COL26A1: variants seen among roughly 807,000 people sequenced by gnomAD.
COL26A1 encodes the protein collagen type XXVI alpha 1 chain.
Under a neutral mutation model 59.3 loss-of-function variants are expected in COL26A1, and 41 were observed. The ratio of observed to expected loss-of-function variants is 0.69; its 90% CI spans 0.54 to 0.90. The LOEUF (loss-of-function observed/expected upper bound fraction) is 0.90. Ranked by LOEUF, COL26A1 falls within the 40% of genes least tolerant of loss-of-function variation. COL26A1 has a pLI of 0.00. For missense variants in COL26A1, 612 were observed against 602.3 expected (o/e 1.02, Z -0.17); for synonymous variants, 266 against 256.0 (o/e 1.04, Z -0.37).
At chr7:101,479,173 AT>A (rs1456130661) in intron 3 of COL26A1, among the ~76,000 whole-genome samples, 18 of 152,174 alleles carry the variant, frequency 1.2e-4, no homozygotes, top group Admixed American at 6.5e-5. Flanking sequence ...CAGTGTTCCA[AT>A]TTCCACTTCA....
intron 3 of COL26A1, among the ~76,000 whole-genome samples, chr7:101,513,158 C>T (rs1200515975): frequency 4.0e-5 from 6 of 151,764 alleles, no homozygotes; most frequent in African/African-American, 1.5e-4. Context: ...AGGCATGCGC[C>T]ACCACACCCG....
At position 101,544,028 on chromosome 7, in the gene COL26A1, C is replaced by T. The variant is rs1584501865; in HGVS notation, c.635C>T (p.Pro212Leu). ...CCGGGGCAGACAGGACCACCAGGGC[C>T]TGCAGGCCCCCCCGGGTCTAAAGGT... Reference protein sequence around the residue: ...GPPGQTGPPGPAGPPGSKGDR... With the variant: ...GPPGQTGPPGLAGPPGSKGDR... Residue 212 changes from proline (P) to leucine (L), a missense_variant, in exon 6 of 13, where the codon CCT (proline) becomes CTT (leucine). Transcript: ENST00000313669. 2 of 1,595,628 alleles carry T rather than the reference C, an allele frequency of 1.3e-6. No individual in the cohort carries two copies. Among genetic ancestry groups the T allele is most frequent in the Non-Finnish European group, 1.7e-6 (2 of 1,171,880 alleles).
chr7:101,403,806 C>T (rs891738672), intron 1 of COL26A1, among the ~76,000 whole-genome samples: 1 of 152,132 alleles, frequency 6.6e-6, no homozygotes, highest in Non-Finnish European at 1.5e-5. Context: ...AGATTAAAGC[C>T]TGATCCAGGC....
At chr7:101,404,989 G>A (rs997620535) in intron 1 of COL26A1, among the ~76,000 whole-genome samples, 2 of 152,084 alleles carry the variant, frequency 1.3e-5, no homozygotes, top group African/African-American at 2.4e-5. Context: ...TTTGGGAGGC[G>A]GAGGCGGGCA....
At chr7:101,366,362 T>G (rs1791045074) in intron 1 of COL26A1, among the ~76,000 whole-genome samples, 1 of 152,098 alleles carries the variant, frequency 6.6e-6, no homozygotes, top group South Asian at 2.1e-4. Flanking sequence ...AGCCTTGGCC[T>G]TCAGTAGTGT....
At chr7:101,528,609 G>A (rs936997525) in intron 3 of COL26A1, among the ~76,000 whole-genome samples, 14 of 151,726 alleles carry the variant, frequency 9.2e-5, no homozygotes, top group African/African-American at 3.1e-4. Context: ...GTGCAGTGGC[G>A]CCAACATGGC....
intron 3 of COL26A1, among the ~76,000 whole-genome samples, chr7:101,501,703 C>T (rs1794709852): frequency 6.6e-6 from 1 of 152,204 alleles, no homozygotes; most frequent in South Asian, 2.1e-4. Context: ...CAGCACAGGG[C>T]TTTGTCCAAA....
At chr7:101,386,903 G>C (rs73712151) in intron 1 of COL26A1, among the ~76,000 whole-genome samples, 3,505 of 152,282 alleles carry the variant, frequency 0.023, 148 homozygotes, top group African/African-American at 0.079. Flanking sequence ...GCTAGGCCTA[G>C]GTCCGGGACA....
intron 3 of COL26A1, among the ~76,000 whole-genome samples, chr7:101,456,638 C>T (rs34876703): frequency 5.4e-5 from 8 of 149,460 alleles, no homozygotes; most frequent in African/African-American, 2.5e-5. Context: ...CACTCCACCT[C>T]GGCAACAAGA....
rs1466662831 is a variant in COL26A1, at chr7:101,435,409, G to C, written c.282-12275G>C. Among the ~76,000 whole-genome samples, 5 of 152,324 alleles carry C rather than the reference G, an allele frequency of 3.3e-5. No homozygotes were observed. The East Asian group carries it at 7.7e-4, about 24-fold the overall frequency. On this transcript the variant is annotated intron_variant, in intron 2 of 12. Transcript: ENST00000313669. ...GACACCCTGGGCCAACCCCCTCCCT[G>C]CTGGCTGGGAGGCTGGACTGGACTG...
rs761436770 is a variant in COL26A1 at position 101,553,364 on chromosome 7, C to T, written c.1068C>T (p.Ala356=). ...TGAAGGGGGAAGAAGGAGAGAAAGC[C>T]GCCACTGCAGAGGTAACCATGGCTG... is the stretch of plus-strand genomic sequence containing the variant. ...PGVKGEEGEK[A]ATAEGEGVQQ... is the part of the protein sequence containing the mutation. Residue 356 remains alanine, a synonymous_variant, in exon 11 of 13, where the codon GCC becomes GCT. Coordinates refer to ENST00000313669, the MANE Select transcript of COL26A1 (RefSeq NM_001278563.3). The T allele has an allele frequency of 4.0e-5, 64 of 1,613,660 alleles. No individual in the cohort carries two copies. The East Asian group carries it at 5.3e-4, about 13-fold the overall frequency.
At chr7:101,389,753 A>C (rs191458392) in intron 1 of COL26A1, among the ~76,000 whole-genome samples, 1 of 152,044 alleles carries the variant, frequency 6.6e-6, no homozygotes, top group Non-Finnish European at 1.5e-5. Context: ...AGGTTTCTCC[A>C]TGTTGGGCAG....
At chr7:101,391,088 A>C (rs1382338166) in intron 1 of COL26A1, among the ~76,000 whole-genome samples, 2 of 152,238 alleles carry the variant, frequency 1.3e-5, no homozygotes, top group Non-Finnish European at 2.9e-5. Context: ...GGAACAGAGC[A>C]GCGGAAGGAA....
Position 101,513,926 on chromosome 7 carries a change from A to G in COL26A1, c.386-19156A>G, listed in dbSNP as rs140033043. ...AAAATGAAAAAGACAGAACAACCTAATAGGAAAACGGGTCAAGGGCATGAA... is the reference window on the plus strand; with the variant it reads ...AAAATGAAAAAGACAGAACAACCTAGTAGGAAAACGGGTCAAGGGCATGAA... On this transcript the variant is annotated intron_variant, in intron 3 of 12. Transcript: ENST00000313669. 2.4e-3 allele frequency among the ~76,000 whole-genome samples: 368 copies of G among 152,290 alleles called. 2 individuals carry two copies. The highest frequency in any genetic ancestry group is 8.6e-3 in the African/African-American group (356 of 41,564).
At chr7:101,477,353 A>C (rs565147332) in intron 3 of COL26A1, among the ~76,000 whole-genome samples, 8 of 152,220 alleles carry the variant, frequency 5.3e-5, no homozygotes, top group African/African-American at 1.9e-4. Flanking sequence ...TGTGTGCATT[A>C]GCATGCGGAG....
intron 1 of COL26A1, among the ~76,000 whole-genome samples, chr7:101,391,692 C>T (rs1266625949): frequency 2.0e-5 from 3 of 152,112 alleles, no homozygotes; most frequent in Non-Finnish European, 4.4e-5. Context: ...GTAGCTGGGA[C>T]TACAGGCGTG....
chr7:101,414,432 TTGTGTGTGTGTGTG>T (rs34282686), intron 1 of COL26A1, among the ~76,000 whole-genome samples: 1 of 146,180 alleles, frequency 6.8e-6, no homozygotes, highest in Non-Finnish European at 1.5e-5. Context: ...CACTCTGTGT[TTGTGTGTGTGTGTG>T]TGTGTGTGTG....
chr7:101,489,638 T>C (rs1794345744), intron 3 of COL26A1, among the ~76,000 whole-genome samples: 1 of 69,172 alleles, frequency 1.4e-5, no homozygotes, highest in Non-Finnish European at 2.5e-5. Flanking sequence ...TCTTTCTTTC[T>C]TTCTTTCTTT....
intron 3 of COL26A1, among the ~76,000 whole-genome samples, chr7:101,465,197 G>T (rs1191265582): frequency 6.6e-6 from 1 of 151,706 alleles, no homozygotes; most frequent in Non-Finnish European, 1.5e-5. Flanking sequence ...ACCACCTGTA[G>T]CTCTGCTAAG....
Sources: gnomAD v4.1 joint callset for allele counts (sites outside exome capture counted in the v4.1 genomes callset) on GRCh38, gnomAD v4.1.1 for gene constraint, MANE v1.5 for transcripts, NCBI Gene and HGNC (gene_info 2026-07-23, HGNC 2026-07-21) for gene names.